SERPINE2: variants seen among roughly 807,000 people sequenced by gnomAD.
SERPINE2 encodes the protein glia-derived nexin.
A neutral mutation model predicts 36.3 loss-of-function variants in SERPINE2; 14 were observed. That is an observed-to-expected ratio of 0.39 (90% CI 0.25 to 0.60). The LOEUF (loss-of-function observed/expected upper bound fraction) is 0.60, where lower values mean the gene tolerates loss of function less well. SERPINE2 is among the 20% of genes least tolerant of loss of function. The probability of loss-of-function intolerance (pLI) is 0.57; values close to 1 mark genes in which losing one functional copy is unlikely to be tolerated. For synonymous variants in SERPINE2, 192 were observed against 191.8 expected, an observed-to-expected ratio of 1.00 and a Z score of -0.01; for missense variants, 418 against 499.6, an observed-to-expected ratio of 0.84 and a Z score of 1.56.
intron 1 of SERPINE2, among the ~76,000 whole-genome samples, chr2:224,026,299 TACA>T (rs1228678832): frequency 1.3e-5 from 2 of 152,266 alleles, no homozygotes; most frequent in Non-Finnish European, 2.9e-5. Context: ...GTTTATTTGT[TACA>T]ACAACTAGCA....
Position 223,976,184 on chromosome 2 carries a change from A to G in SERPINE2, c.1157-280T>C, listed in dbSNP as rs145586034. Among the ~76,000 whole-genome samples, 143 of 152,216 alleles carry G rather than the reference A, an allele frequency of 9.4e-4. 3 individuals are homozygous for G. The highest frequency in any genetic ancestry group is 3.4e-3 in the African/African-American group (142 of 41,544). On this transcript the variant is annotated intron_variant, in intron 8 of 8. Coordinates refer to ENST00000409304, the MANE Select transcript of SERPINE2 (RefSeq NM_001136528.2). The stretch of plus-strand genomic sequence containing the variant: ...TTTATTTCTTGAGACAGAGTCTTGC[A>G]CTGTCACCCAGGCTGGAGTACAATG...
intron 1 of SERPINE2, among the ~76,000 whole-genome samples, chr2:224,028,054 G>A (rs1340932469): frequency 1.3e-5 from 2 of 152,166 alleles, no homozygotes; most frequent in African/African-American, 4.8e-5. Flanking sequence ...CTCTAGGATC[G>A]GGTTGTAAGA....
Position 223,991,616 on chromosome 2 carries a change from G to A in SERPINE2, c.685+187C>T, listed in dbSNP as rs541293893. Among the ~76,000 whole-genome samples, 9 of 152,230 alleles carry A rather than the reference G, an allele frequency of 5.9e-5. No homozygotes were observed. The South Asian group carries it at 1.7e-3, about 28-fold the overall frequency. ...ATATTATGCATATTATGCTATGCAT[G>A]GTAACTTTTGTACATAACACAGATT... On this transcript the variant is annotated intron_variant, in intron 4 of 8. Transcript: ENST00000409304.
chr2:224,020,307 G>A (rs1008517062), intron 1 of SERPINE2, among the ~76,000 whole-genome samples: 6 of 152,220 alleles, frequency 3.9e-5, no homozygotes, highest in African/African-American at 1.4e-4. Context: ...AGGTATAGGA[G>A]TCAGAAGAGA....
intron 1 of SERPINE2, among the ~76,000 whole-genome samples, chr2:224,023,010 A>T (rs1692063435): frequency 6.6e-6 from 1 of 152,176 alleles, no homozygotes; most frequent in Non-Finnish European, 1.5e-5. Context: ...CCATGATTGT[A>T]AGTTTCCTGA....
rs796997006 is a variant in SERPINE2 at position 224,000,700 on chromosome 2, C to T, written c.259+942G>A. Among the ~76,000 whole-genome samples, 24 of 152,162 alleles carry T rather than the reference C, an allele frequency of 1.6e-4. No homozygotes were observed. In the South Asian group the frequency reaches 2.9e-3, roughly 18 times the overall value. ...TTCCCTCCCCTTGCCTTCCACCCCT[C>T]GACAGGCCCCAGTGTGTGATGTTCC... is the stretch of plus-strand genomic sequence containing the variant. On this transcript the variant is annotated intron_variant, in intron 2 of 8. Coordinates refer to ENST00000409304, the MANE Select transcript of SERPINE2 (RefSeq NM_001136528.2).
intron 1 of SERPINE2, among the ~76,000 whole-genome samples, chr2:224,017,057 G>A (rs1419196693): frequency 6.6e-6 from 1 of 152,188 alleles, no homozygotes; most frequent in Non-Finnish European, 1.5e-5. Context: ...GCCTGTGGTG[G>A]TGCCCACACA....
intron 1 of SERPINE2, among the ~76,000 whole-genome samples, chr2:224,016,301 T>C (rs992725297): frequency 6.0e-4 from 91 of 152,018 alleles, no homozygotes; most frequent in Admixed American, 9.2e-4. Context: ...AGGTCATGAG[T>C]TCAAGACCAG....
intron 5 of SERPINE2, among the ~76,000 whole-genome samples, chr2:223,984,520 CA>C (rs1690350098): frequency 6.6e-6 from 1 of 152,122 alleles, no homozygotes; most frequent in Non-Finnish European, 1.5e-5. Context: ...GTTTAGAGAC[CA>C]AGGTTGCCCT....
chr2:224,033,745 C>A (rs1452575809), intron 1 of SERPINE2, among the ~76,000 whole-genome samples: 1 of 151,962 alleles, frequency 6.6e-6, no homozygotes, highest in Admixed American at 6.5e-5. Context: ...ATTCTCCTAC[C>A]CTGTAAAACC....
intron 1 of SERPINE2, among the ~76,000 whole-genome samples, chr2:224,034,565 A>ATTC (rs1452014284): frequency 6.6e-6 from 1 of 152,188 alleles, no homozygotes; most frequent in Non-Finnish European, 1.5e-5. Context: ...CACTGTGGAA[A>ATTC]GTTCCCTGGC....
chr2:224,031,465 C>G, intron 1 of SERPINE2: 1 of 985,626 alleles, frequency 1.0e-6, no homozygotes, highest in South Asian at 4.7e-5. Flanking sequence ...TCCCTTTCCT[C>G]CTAACCAAGG....
chr2:224,034,153 C>G (rs1692464559), intron 1 of SERPINE2, among the ~76,000 whole-genome samples: 1 of 152,184 alleles, frequency 6.6e-6, no homozygotes, highest in Non-Finnish European at 1.5e-5. Flanking sequence ...GCACGTCTTT[C>G]TGGAGCTTAG....
At position 224,001,895 on chromosome 2, in the gene SERPINE2, G is replaced by A. The variant is rs764351123; in HGVS notation, c.6C>T (p.Asn2=). M[N]WHLPLFLLAS... is the part of the protein sequence containing the mutation. ...CCAAGAGGAAGAGGGGGAGATGCCA[G>A]TTCATGGTTCCTTCCACCAAGGACG... The change falls in exon 2 of 9, where the codon AAC becomes AAT. Residue 2 remains asparagine, a synonymous_variant. Transcript: ENST00000409304. The A allele has an allele frequency of 1.2e-6, 2 of 1,611,306 alleles. No individual in the cohort carries two copies. The highest frequency in any genetic ancestry group is 8.5e-7 in the Non-Finnish European group (1 of 1,177,596).
intron 1 of SERPINE2, among the ~76,000 whole-genome samples, chr2:224,025,180 A>T (rs1453087445): frequency 1.3e-5 from 2 of 152,192 alleles, no homozygotes; most frequent in Non-Finnish European, 2.9e-5. Flanking sequence ...CAAGACTGGC[A>T]CGGCCAAGGG....
chr2:224,030,017 A>G, intron 1 of SERPINE2: 1 of 980,942 alleles, frequency 1.0e-6, no homozygotes, highest in Non-Finnish European at 1.2e-6. Context: ...ATAGACATTT[A>G]TTCGTTATTC....
intron 1 of SERPINE2, chr2:224,038,549 C>T (rs1453631219): frequency 1.3e-6 from 2 of 1,547,084 alleles, no homozygotes; most frequent in Non-Finnish European, 1.7e-6. Context: ...ATAGCAAAGA[C>T]CTGCTCGCTC....
chr2:224,008,038 CA>C lies in SERPINE2; in HGVS notation c.-22-6117del, dbSNP rs201113809. Reference sequence around the variant, plus strand: ...GCTGCAAGAGAGACGGTATAGCCTGCAAAGCCAAAAACAGTTATTATGTGGC... The same window carrying C: ...GCTGCAAGAGAGACGGTATAGCCTGCAAGCCAAAAACAGTTATTATGTGGC... On this transcript the variant is annotated intron_variant, in intron 1 of 8. Transcript: ENST00000409304. 8.1e-4 allele frequency among the ~76,000 whole-genome samples: 124 copies of C among 152,322 alleles called. No individual in the cohort carries two copies. The East Asian group carries it at 0.022, about 27-fold the overall frequency.
At chr2:223,985,611 C>T (rs1200630151) in intron 4 of SERPINE2, among the ~76,000 whole-genome samples, 1 of 152,134 alleles carries the variant, frequency 6.6e-6, no homozygotes, top group Non-Finnish European at 1.5e-5. Flanking sequence ...CCATATCAAC[C>T]CTTCAACAGG....
Sources: allele counts gnomAD v4.1 joint callset (sites outside exome capture counted in the v4.1 genomes callset), GRCh38; gene constraint gnomAD v4.1.1; transcripts MANE v1.5; gene names NCBI Gene and HGNC (gene_info 2026-07-23, HGNC 2026-07-21).